The following HOXA3 variants were observed in gnomAD, a reference collection of about 807,000 sequenced individuals.
The protein encoded by HOXA3 is homeobox A3.
Under a neutral mutation model 30.3 loss-of-function variants are expected in HOXA3, and 8 were observed. The ratio of observed to expected loss-of-function variants is 0.26; its 90% CI spans 0.15 to 0.48. The LOEUF is 0.48. HOXA3 is among the 20% of genes least tolerant of loss of function. The probability of loss-of-function intolerance (pLI) is 0.99; values close to 1 mark genes in which losing one functional copy is unlikely to be tolerated. For missense variants in HOXA3, 653 were observed against 614.4 expected, an observed-to-expected ratio of 1.06 and a Z score of -0.66; for synonymous variants, 323 against 273.1, an observed-to-expected ratio of 1.18 and a Z score of -1.80.
At chr7:27,123,897 C>T (rs1192156691) in intron 3 of HOXA3, 2 of 152,280 alleles carry the variant, frequency 1.3e-5, no homozygotes, top group Non-Finnish European at 1.5e-5. Context: ...TTCTCTTGTT[C>T]AAACTTGCTT....
intron 3 of HOXA3, chr7:27,123,393 G>A (rs1039118677): frequency 6.6e-6 from 1 of 152,548 alleles, no homozygotes; most frequent in South Asian, 2.1e-4. Flanking sequence ...AAGCCGATCT[G>A]ATGCCTTGAT....
At chr7:27,143,422 G>A (rs376356041) in intron 1 of HOXA3, 6 of 1,612,218 alleles carry the variant, frequency 3.7e-6, no homozygotes, top group Non-Finnish European at 5.1e-6. Flanking sequence ...AGCCAAAGTG[G>A]CCGGAGCCCG....
chr7:27,109,086 A>C (rs146881836), intron 5 of HOXA3, among the ~76,000 whole-genome samples: 1 of 151,940 alleles, frequency 6.6e-6, no homozygotes, highest in Admixed American at 6.5e-5. Flanking sequence ...CATTCTCTTC[A>C]CAGTAACTGA....
At chr7:27,136,742 A>G (rs1785726777) in intron 2 of HOXA3, among the ~76,000 whole-genome samples, 1 of 152,236 alleles carries the variant, frequency 6.6e-6, no homozygotes, top group East Asian at 1.9e-4. Context: ...AACAAATATT[A>G]TTATTGAAAA....
chr7:27,130,856 C>G (rs1421269634), intron 2 of HOXA3: 27 of 1,017,444 alleles, frequency 2.7e-5, no homozygotes, highest in Non-Finnish European at 4.0e-5. Flanking sequence ...TCCCCTCCCC[C>G]CGCTGTCAAG....
chr7:27,130,592 G>T lies in HOXA3; in HGVS notation c.-389-3522C>A, dbSNP rs759895745. The T allele has an allele frequency of 6.6e-7, 1 of 1,525,336 alleles. No homozygotes were observed. 94.5% of individuals were successfully genotyped at this position (1,525,336 alleles called of 1,614,324 possible). ...TGCAGCGGCAGGTGCTGGGTCGGGG[G>T]CGCTGGGGGCTGCTGGTAGCCGGGG... On this transcript the variant is annotated intron_variant, in intron 2 of 5. Transcript: ENST00000612286.
chr7:27,152,263 C>T, intron 1 of HOXA3, 25 bp downstream of exon 1: 2 of 1,274,212 alleles, frequency 1.6e-6, no homozygotes, highest in Non-Finnish European at 2.0e-6. Flanking sequence ...CACCTTTGCT[C>T]CTATCTCCTC....
rs140908739 is a variant in HOXA3, at chr7:27,108,155, G to A, written c.1092C>T (p.Pro364=). 5.1e-6 allele frequency: 8 copies of A among 1,580,632 alleles called. No homozygotes were observed. In the South Asian group the frequency reaches 5.7e-5, roughly 11 times the overall value. Residue 364 remains proline (P), a synonymous_variant, in exon 6 of 6, where the codon CCC becomes CCT. Coordinates refer to ENST00000612286, the MANE Select transcript of HOXA3 (RefSeq NM_153631.3). The surrounding 1 kb of genome is among the most constrained non-coding windows in gnomAD (Gnocchi z 5.0). ...CCACATAGCTGCCCCCCACGAAGACGGGGCTTCCCTGTATGTGTGGGGTCC... is the reference window on the plus strand; with the variant it reads ...CCACATAGCTGCCCCCCACGAAGACAGGGCTTCCCTGTATGTGTGGGGTCC... The part of the protein sequence containing the change: ...SYGTPHIQGS[P]VFVGGSYVEP...
At position 27,110,160 on chromosome 7, in the gene HOXA3, C is replaced by T; in HGVS notation, c.481G>A (p.Glu161Lys). 1.2e-6 allele frequency: 2 copies of T among 1,614,176 alleles called. No homozygotes were observed. Among genetic ancestry groups the T allele is most frequent in the Non-Finnish European group, 1.7e-6 (2 of 1,180,040 alleles). ...VAKQIFPWMK[E>K]SRQNTKQKTS... ...TTCTGCTTTGTGTTTTGTCGAGACT[C>T]TTTCATCCAGGGGAAGATTTGTTTG... The change falls in exon 5 of 6, where the codon GAG becomes AAG. Residue 161 changes from glutamate to lysine, a missense_variant. Glu to Lys is a moderately conservative substitution (Grantham distance 56). Transcript: ENST00000612286.
chr7:27,129,454 CG>C, intron 2 of HOXA3: 1 of 1,614,150 alleles, frequency 6.2e-7, no homozygotes, highest in Non-Finnish European at 8.5e-7. Flanking sequence ...GATCTCGATG[CG>C]GCGCCGCCGG....
Position 27,107,577 on chromosome 7 carries a change from A to G in HOXA3, c.*338T>C, listed in dbSNP as rs1784082696. 4.1e-6 allele frequency: 1 copy of G among 244,808 alleles called. No homozygotes were observed. The highest frequency in any genetic ancestry group is 2.2e-5 in the African/African-American group (1 of 44,884). The allele number at this position is 244,808 out of a possible 1,614,324, so 15.2% of individuals were successfully genotyped here. On this transcript the variant is annotated 3_prime_UTR_variant, in exon 6 of 6. Coordinates refer to ENST00000612286, the MANE Select transcript of HOXA3 (RefSeq NM_153631.3). Reference sequence around the variant, plus strand: ...AGCCATAATGTAAGAACAAATTCACATTGAAAACTCGACTAGAAAATTTGT... The same window carrying G: ...AGCCATAATGTAAGAACAAATTCACGTTGAAAACTCGACTAGAAAATTTGT...
intron 1 of HOXA3, chr7:27,151,600 C>T (rs1782974522): frequency 2.2e-6 from 1 of 456,638 alleles, no homozygotes; most frequent in Admixed American, 2.3e-5. Context: ...CCTATTCCCC[C>T]TCCCAGCGCT....
At chr7:27,151,422 T>TG (rs1015148552) in intron 1 of HOXA3, 12 of 343,226 alleles carry the variant, frequency 3.5e-5, no homozygotes, top group East Asian at 9.0e-5. Context: ...CAAGGTGGAT[T>TG]GGGGGGTCCC....
rs73071579 is a variant in HOXA3, at chr7:27,137,347, G to T, written c.-390+2736C>A. ...AAGTAAGTGTGACCAGAAGCTTCCT[G>T]TTGTATTTATAGTTCAGAAATATTG... On this transcript the variant is annotated intron_variant, in intron 2 of 5. Transcript: ENST00000612286. Among the ~76,000 whole-genome samples the T allele has an allele frequency of 2.0e-3, 303 of 152,276 alleles. 1 individual carries two copies. The highest frequency in any genetic ancestry group is 3.8e-3 in the Non-Finnish European group (259 of 68,038).
At chr7:27,127,128 T>C (rs552933176) in intron 2 of HOXA3, 58 bp from the exon 3 acceptor site, 3 of 152,276 alleles carry the variant, frequency 2.0e-5, no homozygotes, top group East Asian at 3.9e-4. Context: ...CCTGGGAAAA[T>C]TGCTATTTTC....
In HOXA3 at chr7:27,107,851, AAGC is replaced by A; in HGVS notation, c.*61_*63del. 7.4e-6 allele frequency: 8 copies of A among 1,080,914 alleles called. No individual in the cohort carries two copies. Among genetic ancestry groups the A allele is most frequent in the East Asian group, 5.3e-5 (2 of 37,730 alleles). 67.0% of individuals were successfully genotyped at this position (1,080,914 alleles called of 1,614,324 possible). ...AGAACCTAAAAAAAAAAAAAAAAAA[AAGC>A]AACCAAAGAAAAAAGGTGGGTGGGG... On this transcript the variant is annotated 3_prime_UTR_variant, in exon 6 of 6. Transcript: ENST00000612286.
intron 1 of HOXA3, chr7:27,145,786 G>A: frequency 6.2e-7 from 1 of 1,614,264 alleles, no homozygotes; most frequent in Non-Finnish European, 8.5e-7. Flanking sequence ...GTGAGGCAGA[G>A]CGCGTTGGCG....
intron 4 of HOXA3, among the ~76,000 whole-genome samples, chr7:27,117,419 G>T (rs911135731): frequency 6.6e-6 from 1 of 152,080 alleles, no homozygotes; most frequent in African/African-American, 2.4e-5. Context: ...GAGCCCCTGG[G>T]CATCCAGCAT....
At chr7:27,136,345 C>T (rs1009653563) in intron 2 of HOXA3, among the ~76,000 whole-genome samples, 6 of 152,186 alleles carry the variant, frequency 3.9e-5, no homozygotes, top group Non-Finnish European at 8.8e-5. Flanking sequence ...TCTTCGTTAG[C>T]ACCTAGGAAC....
Sources: gnomAD v4.1 joint callset for allele counts (sites outside exome capture counted in the v4.1 genomes callset) on GRCh38, gnomAD v4.1.1 for gene constraint, Gnocchi (gnomAD v3.1) non-coding constraint, MANE v1.5 for transcripts, NCBI Gene and HGNC (gene_info 2026-07-23, HGNC 2026-07-21) for gene names.